VIPR2: variants seen among roughly 807,000 people sequenced by gnomAD.
VIPR2 encodes vasoactive intestinal polypeptide receptor 2.
Under a neutral mutation model 58.0 loss-of-function variants are expected in VIPR2, and 48 were observed. The ratio of observed to expected loss-of-function variants is 0.83; its 90% CI spans 0.66 to 1.05. The LOEUF is 1.05. Among genes scored for constraint, VIPR2 ranks in the 50% least tolerant of loss-of-function variants. VIPR2 has a pLI of 0.00. For missense variants in VIPR2, 534 were observed against 558.0 expected, an observed-to-expected ratio of 0.96 and a Z score of 0.43; for synonymous variants, 243 against 235.2, an observed-to-expected ratio of 1.03 and a Z score of -0.30.
Position 159,030,807 on chromosome 7 carries a change from C to A in VIPR2, c.1144-18G>T. On this transcript the variant is annotated intron_variant, in intron 12 of 12. Transcript: ENST00000262178. Reference sequence around the variant, plus strand: ...CACTGCACCTGGGAGGTGAGGGCAGCGGGAACGCCCGTGAGCCTGGGCAGG... The same window carrying A: ...CACTGCACCTGGGAGGTGAGGGCAGAGGGAACGCCCGTGAGCCTGGGCAGG... 6.5e-7 allele frequency: 1 copy of A among 1,545,632 alleles called. No homozygotes were observed. The highest frequency in any genetic ancestry group is 8.7e-7 in the Non-Finnish European group (1 of 1,143,488).
rs541057958 is a variant in VIPR2 at position 159,030,418 on chromosome 7, G to T, written c.*198C>A. ...TTTGCACAAGATTATCTAAATGCTG[G>T]AGTTTAAATCGAGTCAATGACAACA... On this transcript the variant is annotated 3_prime_UTR_variant, in exon 13 of 13. Coordinates refer to ENST00000262178, the MANE Select transcript of VIPR2 (RefSeq NM_003382.5). 1.9e-6 allele frequency: 1 copy of T among 532,312 alleles called. No individual in the cohort carries two copies. The allele number at this position is 532,312 out of a possible 1,614,324, so 33.0% of individuals were successfully genotyped here.
At chr7:159,130,493 C>G (rs1796857651) in intron 2 of VIPR2, among the ~76,000 whole-genome samples, 1 of 150,448 alleles carries the variant, frequency 6.6e-6, no homozygotes, top group South Asian at 2.1e-4. Context: ...ATGGCTCCAC[C>G]TGGACCGGCC....
intron 6 of VIPR2, among the ~76,000 whole-genome samples, chr7:159,040,756 G>A (rs764829283): frequency 1.3e-5 from 2 of 152,190 alleles, no homozygotes; most frequent in Non-Finnish European, 2.9e-5. Flanking sequence ...TTCTTATACT[G>A]AGGTCTGACT....
intron 4 of VIPR2, among the ~76,000 whole-genome samples, chr7:159,100,018 ACTCAACTCAGTCTTCT>A (rs1221615843): frequency 6.6e-6 from 1 of 151,634 alleles, no homozygotes; most frequent in Non-Finnish European, 1.5e-5. Context: ...GGCCCCCAAC[ACTCAACTCAGTCTTCT>A]CTCAACTCCA....
At chr7:159,068,963 A>C (rs1464212891) in intron 4 of VIPR2, among the ~76,000 whole-genome samples, 1 of 152,222 alleles carries the variant, frequency 6.6e-6, no homozygotes, top group Admixed American at 6.5e-5. Context: ...AGAGAACTGC[A>C]CAGGAATAAA....
At chr7:159,102,305 G>A (rs543090353) in intron 4 of VIPR2, among the ~76,000 whole-genome samples, 4 of 152,232 alleles carry the variant, frequency 2.6e-5, no homozygotes, top group East Asian at 1.9e-4. Flanking sequence ...TTCCCTTTTC[G>A]CTTGACTCTG....
Position 159,034,248 on chromosome 7 carries a change from G to A in VIPR2, c.936C>T (p.Ser312=). ...IIRILLQKLT[S]PDVGGNDQSQ... is the part of the protein sequence containing the mutation. ...ACTGGTCGTTGCCGCCGACATCTGG[G>A]GATGTTAACTTCTGCAGCAAAATTC... Residue 312 remains serine (S), a synonymous_variant, in exon 10 of 13, where the codon TCC becomes TCT. Coordinates refer to ENST00000262178, the MANE Select transcript of VIPR2 (RefSeq NM_003382.5). 6.2e-7 allele frequency: 1 copy of A among 1,614,084 alleles called. No individual in the cohort carries two copies. The highest frequency in any genetic ancestry group is 8.5e-7 in the Non-Finnish European group (1 of 1,180,010).
intron 4 of VIPR2, among the ~76,000 whole-genome samples, chr7:159,069,920 T>C (rs1255566852): frequency 6.6e-6 from 1 of 152,228 alleles, no homozygotes; most frequent in Admixed American, 6.5e-5. Context: ...CTGATTCTTG[T>C]TCATGGTGCT....
Position 159,127,813 on chromosome 7 carries a change from C to T in VIPR2, c.151+14633G>A, listed in dbSNP as rs906593229. Among the ~76,000 whole-genome samples, 1 of 152,200 alleles carries T rather than the reference C, an allele frequency of 6.6e-6. No homozygotes were observed. The highest frequency in any genetic ancestry group is 1.5e-5 in the Non-Finnish European group (1 of 68,036). On this transcript the variant is annotated intron_variant, in intron 2 of 12. Transcript: ENST00000262178. The surrounding 1 kb of genome is among the most constrained non-coding windows in gnomAD (Gnocchi z 4.6). ...CGTCAAATATTCTCAAACCCTTTTC[C>T]CAAACTCCTGCCACGGCTCGGATGC...
chr7:159,132,873 ATTGG>A (rs879300497), intron 2 of VIPR2, among the ~76,000 whole-genome samples: 23 of 121,008 alleles, frequency 1.9e-4, no homozygotes, highest in Middle Eastern at 8.1e-3. Flanking sequence ...AGACAGAATG[ATTGG>A]CATACAGATT....
chr7:159,056,172 T>C (rs1855317035), intron 5 of VIPR2, among the ~76,000 whole-genome samples: 1 of 152,172 alleles, frequency 6.6e-6, no homozygotes, highest in Non-Finnish European at 1.5e-5. Flanking sequence ...ACACGGTGCA[T>C]ATTAGCAGTT....
intron 2 of VIPR2, among the ~76,000 whole-genome samples, chr7:159,121,463 TGA>T (rs1279151819): frequency 2.0e-5 from 3 of 152,182 alleles, no homozygotes; most frequent in Non-Finnish European, 4.4e-5. Context: ...ATAATGAATC[TGA>T]GACCCCAGGA....
chr7:159,129,209 T>C (rs377520068), intron 2 of VIPR2, among the ~76,000 whole-genome samples: 9,682 of 115,470 alleles, frequency 0.084, 22 homozygotes, highest in East Asian at 0.12. Flanking sequence ...AACTGGACTC[T>C]GGTGGGGACA....
chr7:159,061,996 C>T (rs544038599), intron 4 of VIPR2, among the ~76,000 whole-genome samples: 160 of 152,310 alleles, frequency 1.1e-3, no homozygotes, highest in Non-Finnish European at 1.7e-3. Flanking sequence ...AGAGGAGCCC[C>T]GTCCTGAGAA....
intron 5 of VIPR2, among the ~76,000 whole-genome samples, chr7:159,056,820 G>C (rs1304715124): frequency 6.6e-6 from 1 of 152,162 alleles, no homozygotes; most frequent in African/African-American, 2.4e-5. Context: ...CAGCTCTCAG[G>C]AAGTGGCACT....
intron 2 of VIPR2, among the ~76,000 whole-genome samples, chr7:159,113,761 C>T (rs1158151575): frequency 6.6e-6 from 1 of 152,100 alleles, no homozygotes; most frequent in Non-Finnish European, 1.5e-5. Context: ...AGGAGGCTGG[C>T]AGGATGATAA....
intron 4 of VIPR2, among the ~76,000 whole-genome samples, chr7:159,063,528 CA>C (rs1473035830): frequency 6.6e-6 from 1 of 151,998 alleles, no homozygotes; most frequent in Non-Finnish European, 1.5e-5. Context: ...CACCTCCCTG[CA>C]AGCTGAGGGA....
At chr7:159,135,946 T>C (rs1797201489) in intron 2 of VIPR2, among the ~76,000 whole-genome samples, 2 of 152,162 alleles carry the variant, frequency 1.3e-5, no homozygotes, top group African/African-American at 4.8e-5. Context: ...CCATGAAGCC[T>C]TCAGGGAATC....
At position 159,127,686 on chromosome 7, in the gene VIPR2, C is replaced by G. The variant is rs997984214; in HGVS notation, c.151+14760G>C. ...TTGGCATGTAAACGCATGTGGGCAT[C>G]AGGAAAATGGATGTGTGCTAATTCA... On this transcript the variant is annotated intron_variant, in intron 2 of 12. Transcript: ENST00000262178. This position sits in a 1 kb window ranked among gnomAD's most constrained non-coding sequence, Gnocchi z 4.6. Among the ~76,000 whole-genome samples the G allele has an allele frequency of 1.3e-5, 2 of 152,186 alleles. No homozygotes were observed. Among genetic ancestry groups the G allele is most frequent in the African/African-American group, 4.8e-5 (2 of 41,454 alleles).
Sources: allele counts gnomAD v4.1 joint callset (sites outside exome capture counted in the v4.1 genomes callset), GRCh38; gene constraint gnomAD v4.1.1; non-coding constraint Gnocchi (gnomAD v3.1); transcripts MANE v1.5; gene names NCBI Gene and HGNC (gene_info 2026-07-23, HGNC 2026-07-21).